Variants in XIRP2 observed in about 807,000 individuals in gnomAD.
XIRP2 encodes the protein xin actin-binding repeat-containing protein 2.
In XIRP2, 236 loss-of-function variants were observed where a neutral mutation model predicts 277.0. The observed-to-expected ratio is 0.85, with a 90% CI of 0.77 to 0.95. The LOEUF (loss-of-function observed/expected upper bound fraction) is 0.95, where lower values mean the gene tolerates loss of function less well. Among genes scored for constraint, XIRP2 ranks in the 40% least tolerant of loss-of-function variants. XIRP2 has a pLI of 0.00. For synonymous variants in XIRP2, 1,490 were observed against 1,416.5 expected, an observed-to-expected ratio of 1.05 and a Z score of -1.17; for missense variants, 4,640 against 4,157.5, an observed-to-expected ratio of 1.12 and a Z score of -3.19.
At chr2:166,939,306 G>C (rs1219452703) in intron 2 of XIRP2, among the ~76,000 whole-genome samples, 1 of 152,054 alleles carries the variant, frequency 6.6e-6, no homozygotes, top group Non-Finnish European at 1.5e-5. Flanking sequence ...AAATCTCTCA[G>C]CATTTGCTTG....
intron 2 of XIRP2, among the ~76,000 whole-genome samples, chr2:166,963,749 G>A (rs2105410727): frequency 6.6e-6 from 1 of 151,930 alleles, no homozygotes; most frequent in South Asian, 2.1e-4. Context: ...GCATGGGAAT[G>A]AAGTCAGAGA....
chr2:167,011,311 C>T (rs1423759078), intron 2 of XIRP2, among the ~76,000 whole-genome samples: 2 of 151,644 alleles, frequency 1.3e-5, no homozygotes, highest in East Asian at 1.9e-4. Context: ...AAGGCCTTTT[C>T]TGCATCTATT....
intron 2 of XIRP2, among the ~76,000 whole-genome samples, chr2:166,986,073 C>A (rs1686996450): frequency 6.6e-6 from 1 of 152,142 alleles, no homozygotes; most frequent in African/African-American, 2.4e-5. Flanking sequence ...CTTTGCAAGA[C>A]CGCCTAGCTG....
intron 2 of XIRP2, among the ~76,000 whole-genome samples, chr2:167,056,348 G>T: frequency 6.6e-6 from 1 of 151,982 alleles, no homozygotes. Context: ...TGATTTACGT[G>T]GTTAATCATT....
At chr2:167,076,544 G>A (rs1328252779) in intron 2 of XIRP2, among the ~76,000 whole-genome samples, 6 of 152,162 alleles carry the variant, frequency 3.9e-5, no homozygotes, top group Admixed American at 3.3e-4. Context: ...AGAGGGAAGA[G>A]ATTTTATTAA....
chr2:167,197,893 T>C (rs111317569), intron 3 of XIRP2, among the ~76,000 whole-genome samples: 9 of 152,316 alleles, frequency 5.9e-5, no homozygotes, highest in African/African-American at 2.2e-4. Context: ...CTGATGTATC[T>C]GTCTTAATGT....
At chr2:167,087,023 G>C (rs4667531) in intron 2 of XIRP2, among the ~76,000 whole-genome samples, 1 of 150,474 alleles carries the variant, frequency 6.6e-6, no homozygotes, top group Non-Finnish European at 1.5e-5. Context: ...GGCGCTCTGC[G>C]TTTTAGAGTT....
chr2:166,918,981 C>A (rs1311370812), intron 2 of XIRP2, among the ~76,000 whole-genome samples: 1 of 152,052 alleles, frequency 6.6e-6, no homozygotes, highest in East Asian at 1.9e-4. Flanking sequence ...TTTGTCAACT[C>A]TGAAATTCAA....
intron 2 of XIRP2, among the ~76,000 whole-genome samples, chr2:167,022,805 T>C (rs1688022998): frequency 6.6e-6 from 1 of 152,186 alleles, no homozygotes; most frequent in Non-Finnish European, 1.5e-5. Context: ...CTGCATAGTA[T>C]TCTATTCCAT....
At chr2:166,982,705 T>G (rs905115339) in intron 2 of XIRP2, among the ~76,000 whole-genome samples, 1 of 152,188 alleles carries the variant, frequency 6.6e-6, no homozygotes, top group Middle Eastern at 3.2e-3. Flanking sequence ...CCACTGTTTC[T>G]TTTGTCATTC....
rs770680028 is a variant in XIRP2 at position 167,246,441 on chromosome 2, A to T, written c.5049A>T (p.Glu1683Asp). Residue 1683 changes from glutamate (E) to aspartate (D), a missense_variant, in exon 9 of 11, where the codon GAA becomes GAT. Glu to Asp is a conservative substitution (Grantham distance 45). Coordinates refer to ENST00000409195, the MANE Select transcript of XIRP2 (RefSeq NM_152381.6). ...VKKGILIQED[E>D]KGDINMTIYC... ...AAGGCATCTTAATTCAGGAAGATGA[A>T]AAAGGAGATATTAACATGACTATCT... The T allele has an allele frequency of 1.5e-5, 25 of 1,613,630 alleles. No homozygotes were observed.
intron 2 of XIRP2, among the ~76,000 whole-genome samples, chr2:166,922,717 C>G (rs1027040968): frequency 1.3e-5 from 2 of 151,644 alleles, no homozygotes; most frequent in Admixed American, 1.3e-4. Context: ...GATCACACCA[C>G]TGCACTCCAG....
chr2:167,230,827 G>A (rs1446977516), intron 5 of XIRP2, among the ~76,000 whole-genome samples: 2 of 152,100 alleles, frequency 1.3e-5, no homozygotes, highest in South Asian at 2.1e-4. Context: ...GTCTCCTTCA[G>A]TGCTCCCTCA....
intron 2 of XIRP2, among the ~76,000 whole-genome samples, chr2:167,127,887 G>C (rs557499620): frequency 6.6e-6 from 1 of 152,352 alleles, no homozygotes; most frequent in South Asian, 2.1e-4. Flanking sequence ...GTATATGCTT[G>C]TTGGGGTCCC....
intron 2 of XIRP2, among the ~76,000 whole-genome samples, chr2:167,016,852 A>G (rs951278158): frequency 3.9e-5 from 6 of 151,996 alleles, no homozygotes; most frequent in African/African-American, 1.4e-4. Flanking sequence ...AGACAAAGTC[A>G]CCATTAAAGT....
intron 2 of XIRP2, among the ~76,000 whole-genome samples, chr2:167,131,129 A>C (rs1275738219): frequency 6.6e-6 from 1 of 152,088 alleles, no homozygotes; most frequent in Non-Finnish European, 1.5e-5. Context: ...TCTTCAAGCT[A>C]CCAAGCTTGC....
intron 2 of XIRP2, among the ~76,000 whole-genome samples, chr2:166,996,764 G>A (rs533702063): frequency 2.5e-4 from 38 of 152,162 alleles, no homozygotes; most frequent in South Asian, 2.5e-3. Flanking sequence ...GCTGGGTTGA[G>A]CACCCCTTCT....
chr2:167,108,388 C>T (rs1020510305), intron 2 of XIRP2, among the ~76,000 whole-genome samples: 2 of 151,758 alleles, frequency 1.3e-5, no homozygotes, highest in Non-Finnish European at 2.9e-5. Flanking sequence ...ATTTATTATG[C>T]TCTTGTTTTT....
At chr2:167,212,891 C>G (rs980447265) in intron 4 of XIRP2, among the ~76,000 whole-genome samples, 2 of 69,426 alleles carry the variant, frequency 2.9e-5, no homozygotes, top group East Asian at 1.1e-3. Flanking sequence ...TTCAAGCCAC[C>G]CCCCCACCCC....
Sources: allele counts gnomAD v4.1 joint callset (sites outside exome capture counted in the v4.1 genomes callset), GRCh38; gene constraint gnomAD v4.1.1; transcripts MANE v1.5; gene names NCBI Gene and HGNC (gene_info 2026-07-23, HGNC 2026-07-21).